The following LATS2 variants were observed in gnomAD, a reference collection of about 807,000 sequenced individuals.
The protein encoded by LATS2 is large tumor suppressor kinase 2.
In LATS2, 24 loss-of-function variants were observed where a neutral mutation model predicts 76.0. The ratio of observed to expected loss-of-function variants is 0.32; its 90% CI spans 0.23 to 0.44. LATS2 has a LOEUF of 0.44. LATS2 is among the 20% of genes least tolerant of loss of function. LATS2 has a pLI of 1.00. For synonymous variants in LATS2, 692 were observed against 635.4 expected (o/e 1.09, Z -1.34); for missense variants, 1,286 against 1,481.2 (o/e 0.87, Z 2.16).
At chr13:21,054,339 C>T (rs890981268) in intron 1 of LATS2, among the ~76,000 whole-genome samples, 2 of 152,056 alleles carry the variant, frequency 1.3e-5, no homozygotes, top group Non-Finnish European at 2.9e-5. Context: ...ACCTGGGAGG[C>T]GGGGGCTGCT....
In LATS2 at chr13:20,989,154, C is replaced by A; in HGVS notation, c.626G>T (p.Arg209Leu). ...DGPTALEEMP[R>L]PYVDYLFPGV... ...GGGGAAAAGGTAGTCCACGTACGGC[C>A]GCGGCATCTCCTCCAGCGCCGTGGG... The change falls in exon 4 of 8, where the codon CGG becomes CTG. Residue 209 changes from arginine (R) to leucine (L), a missense_variant. This residue lies in a region of LATS2 where 710 missense variants were observed against 660.9 expected (regional missense o/e 1.07). Transcript: ENST00000382592. 6.2e-7 allele frequency: 1 copy of A among 1,612,416 alleles called. No individual in the cohort carries two copies. Among genetic ancestry groups the A allele is most frequent in the Non-Finnish European group, 8.5e-7 (1 of 1,179,706 alleles).
At chr13:20,994,605 G>A (rs1331546447) in intron 2 of LATS2, among the ~76,000 whole-genome samples, 2 of 152,166 alleles carry the variant, frequency 1.3e-5, no homozygotes, top group Non-Finnish European at 1.5e-5. Context: ...AAGCATGTAT[G>A]GAGACCAAGC....
At chr13:21,054,101 T>C (rs1256398405) in intron 1 of LATS2, among the ~76,000 whole-genome samples, 52 of 152,202 alleles carry the variant, frequency 3.4e-4, no homozygotes, top group Non-Finnish European at 1.5e-5. Flanking sequence ...GGGAAAAAAG[T>C]CTCCTAACTA....
At chr13:20,997,059 A>G (rs1870790479) in intron 2 of LATS2, among the ~76,000 whole-genome samples, 1 of 152,164 alleles carries the variant, frequency 6.6e-6, no homozygotes, top group Non-Finnish European at 1.5e-5. Flanking sequence ...TGGACCAGAT[A>G]GAAGGAATTC....
chr13:20,981,663 C>A lies in LATS2; in HGVS notation c.2483-15G>T, dbSNP rs769872217. The A allele has an allele frequency of 1.9e-6, 3 of 1,580,934 alleles. No homozygotes were observed. Among genetic ancestry groups the A allele is most frequent in the East Asian group, 4.5e-5 (2 of 44,476 alleles). On this transcript the variant is annotated splice_polypyrimidine_tract_variant and intron_variant, in intron 5 of 7. Coordinates refer to ENST00000382592, the MANE Select transcript of LATS2 (RefSeq NM_014572.3). ...GACATGGCTCCCTTCACCCAGGAAT[C>A]AGGGATAGTGAAAGAAAAGAACAAA...
At chr13:21,020,434 C>T (rs377140113) in intron 2 of LATS2, among the ~76,000 whole-genome samples, 1 of 152,206 alleles carries the variant, frequency 6.6e-6, no homozygotes, top group South Asian at 2.1e-4. Flanking sequence ...AGGCACAGGG[C>T]AATTTACCCA....
intron 2 of LATS2, among the ~76,000 whole-genome samples, chr13:21,041,417 GT>G (rs1316295672): frequency 1.3e-5 from 2 of 152,124 alleles, no homozygotes; most frequent in Non-Finnish European, 2.9e-5. Context: ...AATATAATCA[GT>G]TTATCAGTTT....
intron 2 of LATS2, among the ~76,000 whole-genome samples, chr13:21,027,335 G>A (rs905441359): frequency 3.9e-5 from 6 of 152,062 alleles, no homozygotes; most frequent in African/African-American, 7.2e-5. Context: ...AAAGTTTTTA[G>A]CTGTTTTATA....
intron 1 of LATS2, among the ~76,000 whole-genome samples, chr13:21,053,414 C>T (rs116028775): frequency 6.6e-6 from 1 of 152,060 alleles, no homozygotes; most frequent in African/African-American, 2.4e-5. Context: ...GGTGTGCTTC[C>T]TCTTGAAGAA....
At position 20,988,090 on chromosome 13, in the gene LATS2, C is replaced by G; in HGVS notation, c.1690G>C (p.Asp564His). The G allele has an allele frequency of 6.2e-7, 1 of 1,614,280 alleles. No individual in the cohort carries two copies. Among genetic ancestry groups the G allele is most frequent in the Non-Finnish European group, 8.5e-7 (1 of 1,180,048 alleles). Reference sequence around the variant, plus strand: ...TGCTTTTTATCCTTTCCGCCTTTGTCCCCCTTGGCGCTTTTGCGGCTCTTG... The same window carrying G: ...TGCTTTTTATCCTTTCCGCCTTTGTGCCCCTTGGCGCTTTTGCGGCTCTTG... ...GDKSRKSAKG[D>H]KGGKDKKQIQ... The change falls in exon 4 of 8, where the codon GAC (aspartate) becomes CAC (histidine). Residue 564 changes from aspartate to histidine, a missense_variant. Transcript: ENST00000382592.
chr13:21,050,155 C>G (rs867804618), intron 1 of LATS2, among the ~76,000 whole-genome samples: 143 of 25,732 alleles, frequency 5.6e-3, no homozygotes, highest in South Asian at 0.014. Context: ...TAGATACATA[C>G]ATACATACAT....
chr13:21,057,893 T>C (rs1254533249), intron 1 of LATS2, among the ~76,000 whole-genome samples: 1 of 152,146 alleles, frequency 6.6e-6, no homozygotes, highest in Non-Finnish European at 1.5e-5. Context: ...GAAATGAACA[T>C]CCCAAGCAGG....
At chr13:21,015,015 C>T (rs1025809289) in intron 2 of LATS2, among the ~76,000 whole-genome samples, 4 of 152,212 alleles carry the variant, frequency 2.6e-5, no homozygotes, top group African/African-American at 9.6e-5. Context: ...CCGCCGTATC[C>T]CTGGGGTCCA....
intron 1 of LATS2, among the ~76,000 whole-genome samples, chr13:21,051,288 T>G (rs1873267682): frequency 6.6e-6 from 1 of 152,344 alleles, no homozygotes; most frequent in East Asian, 1.9e-4. Context: ...GCAGAAAGAC[T>G]GATTTGCCTC....
chr13:21,019,290 T>G (rs1375114434), intron 2 of LATS2, among the ~76,000 whole-genome samples: 1 of 130,612 alleles, frequency 7.7e-6, no homozygotes, highest in African/African-American at 2.8e-5. Flanking sequence ...GTATTCTCAC[T>G]TGGATTTGTT....
In LATS2 at chr13:21,045,936, T is replaced by G. The variant is rs1873060675; in HGVS notation, c.91A>C (p.Lys31Gln). The change falls in exon 2 of 8, where the codon AAG becomes CAG. Residue 31 changes from lysine (K) to glutamine (Q), a missense_variant. Coordinates refer to ENST00000382592, the MANE Select transcript of LATS2 (RefSeq NM_014572.3). ...EIREGLKQPSKSSVQGLPAGP... is the reference protein window; with the variant it reads ...EIREGLKQPSQSSVQGLPAGP... ...GCGGGTAGCCCCTGAACCGAAGACT[T>G]GGATGGCTGTTTTAACCCCTCACGA... 1 of 1,614,060 alleles carries G rather than the reference T, an allele frequency of 6.2e-7. No homozygotes were observed. The highest frequency in any genetic ancestry group is 8.5e-7 in the Non-Finnish European group (1 of 1,180,028).
At chr13:21,043,332 G>A (rs968024380) in intron 2 of LATS2, among the ~76,000 whole-genome samples, 5 of 149,698 alleles carry the variant, frequency 3.3e-5, no homozygotes, top group East Asian at 3.9e-4. Flanking sequence ...GCAAGACACC[G>A]TCTAAAAAAA....
Position 20,981,530 on chromosome 13 carries a change from C to T in LATS2, c.2601G>A (p.Arg867=), listed in dbSNP as rs992197286. Residue 867 remains arginine (R), a synonymous_variant, in exon 6 of 8, where the codon AGG becomes AGA. Transcript: ENST00000382592. ...TCCCCACCAGTGAATGTGCCAGGCA[C>T]CTCTGGTGCTGCTTCCGCGCCCTCT... ...LEQRARKQHQ[R]CLAHSLVGTP... 1.9e-6 allele frequency: 3 copies of T among 1,614,040 alleles called. No homozygotes were observed. Among genetic ancestry groups the T allele is most frequent in the South Asian group, 2.2e-5 (2 of 91,086 alleles).
In LATS2 at chr13:20,983,707, T is replaced by C. The variant is rs145120725; in HGVS notation, c.1999A>G (p.Met667Val). The change falls in exon 5 of 8, where the codon ATG becomes GTG. Residue 667 changes from methionine to valine, a missense_variant. Around this residue, in one of 5 missense-constraint regions of LATS2, gnomAD observed 247 missense variants for 385.4 expected, o/e 0.64. Coordinates refer to ENST00000382592, the MANE Select transcript of LATS2 (RefSeq NM_014572.3). ...CCCAGGGTTTTGATCTTGACAAACATAGACTTGTCCATCTTGGCCCTCTTT... is the reference window on the plus strand; with the variant it reads ...CCCAGGGTTTTGATCTTGACAAACACAGACTTGTCCATCTTGGCCCTCTTT... ...RLKRAKMDKS[M>V]FVKIKTLGIG... 2.6e-5 allele frequency: 42 copies of C among 1,614,174 alleles called. No homozygotes were observed. The highest frequency in any genetic ancestry group is 3.1e-5 in the Non-Finnish European group (36 of 1,180,010).
Sources: allele counts gnomAD v4.1 joint callset (sites outside exome capture counted in the v4.1 genomes callset), GRCh38; gene constraint gnomAD v4.1.1; regional missense constraint gnomAD v4.1.1; transcripts MANE v1.5; gene names NCBI Gene and HGNC (gene_info 2026-07-23, HGNC 2026-07-21).